Variants in CDC7 observed in about 807,000 individuals in gnomAD.
CDC7 encodes cell division cycle 7-related protein kinase.
CDC7 carries 34 observed loss-of-function variants against 53.5 expected under a neutral mutation model. That is an observed-to-expected ratio of 0.64 (90% CI 0.48 to 0.85). The LOEUF is 0.85. Ranked by LOEUF, CDC7 falls within the 40% of genes least tolerant of loss-of-function variation. The pLI, the probability that CDC7 is intolerant of heterozygous loss-of-function variation, is 0.00. For missense variants in CDC7, 594 were observed against 679.7 expected (o/e 0.87, Z 1.40); for synonymous variants, 211 against 222.8 (o/e 0.95, Z 0.47).
At chr1:91,516,072 C>G in intron 10 of CDC7, among the ~76,000 whole-genome samples, 196 bp downstream of exon 10, 1 of 151,946 alleles carries the variant, frequency 6.6e-6, no homozygotes, top group East Asian at 1.9e-4. Flanking sequence ...AATGTTGCCT[C>G]TCTTTTTTTG....
In CDC7 at chr1:91,524,132, G is replaced by C. The variant is rs1399910289; in HGVS notation, c.1422G>C (p.Lys474Asn). The C allele has an allele frequency of 1.9e-6, 3 of 1,613,872 alleles. No individual in the cohort carries two copies. The African/African-American group carries it at 4.0e-5, about 22-fold the overall frequency. Residue 474 changes from lysine to asparagine, a missense_variant, in exon 12 of 12, where the codon AAG becomes AAC. Physicochemically the swap from Lys to Asn is moderately conservative, Grantham distance 94. Transcript: ENST00000234626. Reference protein sequence around the residue: ...RLRGMDSSTPKLTSDIQGHAS... With the variant: ...RLRGMDSSTPNLTSDIQGHAS... ...GGGGTATGGATTCTAGCACTCCCAA[G>C]TTAACAAGTGATATACAAGGGCATG...
Position 91,511,834 on chromosome 1 carries a change from G to A in CDC7, c.483G>A (p.Leu161=). 6.2e-7 allele frequency: 1 copy of A among 1,606,192 alleles called. No homozygotes were observed. Among genetic ancestry groups the A allele is most frequent in the Non-Finnish European group, 8.5e-7 (1 of 1,174,046 alleles). Residue 161 remains leucine, a synonymous_variant, in exon 6 of 12, where the codon CTG becomes CTA. Coordinates refer to ENST00000234626, the MANE Select transcript of CDC7 (RefSeq NM_003503.4). ...AAGTACGGGAATATATGCTTAATCT[G>A]TTCAAAGCTTTGAAACGCATTCATC... ...FQEVREYMLN[L]FKALKRIHQF...
chr1:91,507,817 C>G, intron 2 of CDC7, 37 bp from the exon 3 acceptor site: 1 of 1,188,126 alleles, frequency 8.4e-7, no homozygotes, highest in East Asian at 2.5e-5. Flanking sequence ...AATATACTGT[C>G]ATTGATTAAA....
Position 91,524,299 on chromosome 1 carries a change from C to A in CDC7, c.1589C>A (p.Thr530Asn), listed in dbSNP as rs867006253. Residue 530 changes from threonine (T) to asparagine (N), a missense_variant, in exon 12 of 12, where the codon ACC (threonine) becomes AAC (asparagine). By Grantham distance (65) the Thr-to-Asn change is moderately conservative (BLOSUM62 0). Transcript: ENST00000234626. Reference protein sequence around the residue: ...SCEHCFDEYNTNLEGWNEVPD... With the variant: ...SCEHCFDEYNNNLEGWNEVPD... ...GAGCATTGTTTTGATGAGTATAATA[C>A]CAATTTAGAAGGCTGGAATGAGGTA... is the stretch of plus-strand genomic sequence containing the variant. 1 of 1,613,936 alleles carries A rather than the reference C, an allele frequency of 6.2e-7. No homozygotes were observed. Among genetic ancestry groups the A allele is most frequent in the African/African-American group, 1.3e-5 (1 of 75,018 alleles).
intron 2 of CDC7, among the ~76,000 whole-genome samples, chr1:91,504,570 A>G (rs895432485): frequency 3.3e-5 from 5 of 152,202 alleles, no homozygotes; most frequent in African/African-American, 9.7e-5. Flanking sequence ...TGTTTGCTAC[A>G]ATGACACCCT....
Position 91,524,718 on chromosome 1 carries a change from G to A in CDC7, c.*283G>A, listed in dbSNP as rs909158636. ...TTAGCTTCCCTAATTACCTTTCACT[G>A]ACATATACAGAAAAAGGAGCAGTTT... On this transcript the variant is annotated 3_prime_UTR_variant, in exon 12 of 12. Transcript: ENST00000234626. 3.5e-6 allele frequency: 1 copy of A among 288,988 alleles called. No homozygotes were observed. The highest frequency in any genetic ancestry group is 6.3e-6 in the Non-Finnish European group (1 of 157,760). 17.9% of individuals were successfully genotyped at this position (288,988 alleles called of 1,614,324 possible). A position where few individuals can be genotyped will look rare whatever the true frequency, so the allele number is the denominator to read the frequency against.
chr1:91,509,362 T>G (rs1483803501), intron 4 of CDC7, among the ~76,000 whole-genome samples: 2 of 148,724 alleles, frequency 1.3e-5, no homozygotes, highest in African/African-American at 5.0e-5. Context: ...AACCTAAACC[T>G]TAACATACCA....
chr1:91,520,925 G>A (rs1983170), intron 11 of CDC7, among the ~76,000 whole-genome samples: 31,137 of 152,164 alleles, frequency 0.2, 3,285 homozygotes, highest in South Asian at 0.26. Flanking sequence ...GATGTGCAGT[G>A]TACTTCATAG....
rs138051803 is a variant in CDC7, at chr1:91,505,302, G to A, written c.116-2552G>A. The stretch of plus-strand genomic sequence containing the variant: ...GAATGAAGTCAAAGAGAGATGTAAA[G>A]AGGCTTTCTAATGGAGTGAGATGTG... On this transcript the variant is annotated intron_variant, in intron 2 of 11. Transcript: ENST00000234626. 9.1e-4 allele frequency among the ~76,000 whole-genome samples: 139 copies of A among 152,326 alleles called. 2 individuals carry two copies. Among genetic ancestry groups the A allele is most frequent in the African/African-American group, 3.2e-3 (132 of 41,576 alleles).
intron 4 of CDC7, among the ~76,000 whole-genome samples, chr1:91,510,537 A>C (rs1328474998): frequency 6.6e-6 from 1 of 152,234 alleles, no homozygotes; most frequent in Non-Finnish European, 1.5e-5. Context: ...TATAGAAGAC[A>C]AGAAAATGAG....
intron 11 of CDC7, among the ~76,000 whole-genome samples, chr1:91,521,605 C>T (rs1256880635): frequency 6.6e-6 from 1 of 152,194 alleles, no homozygotes; most frequent in East Asian, 1.9e-4. Flanking sequence ...GGCATTCTTA[C>T]ATAATAATAT....
At position 91,525,384 on chromosome 1, in the gene CDC7, A is replaced by G. The variant is rs1471062594; in HGVS notation, c.*949A>G. 1 of 152,140 alleles carries G rather than the reference A, an allele frequency of 6.6e-6. No homozygotes were observed. Among genetic ancestry groups the G allele is most frequent in the Non-Finnish European group, 1.5e-5 (1 of 67,992 alleles). The allele number at this position is 152,140 out of a possible 1,614,324, so 9.4% of individuals were successfully genotyped here. A position where few individuals can be genotyped will look rare whatever the true frequency, so the allele number is the denominator to read the frequency against. On this transcript the variant is annotated 3_prime_UTR_variant, in exon 12 of 12. Coordinates refer to ENST00000234626, the MANE Select transcript of CDC7 (RefSeq NM_003503.4). ...TGCGTAGAGCCATCCAGATCTCTGT[A>G]TCCTGTTTTGACTAAGTCTTAGGTG...
chr1:91,509,957 G>A (rs1209867569), intron 4 of CDC7, among the ~76,000 whole-genome samples: 4 of 152,318 alleles, frequency 2.6e-5, no homozygotes, highest in African/African-American at 9.6e-5. Flanking sequence ...ACTGGACGCA[G>A]TAGTTCATGC....
At chr1:91,507,149 T>C (rs190413153) in intron 2 of CDC7, among the ~76,000 whole-genome samples, 4 of 152,292 alleles carry the variant, frequency 2.6e-5, no homozygotes, top group Admixed American at 1.3e-4. Context: ...CTTAAACTTA[T>C]GCTATATAGG....
rs1571327073 is a variant in CDC7 at position 91,513,877 on chromosome 1, T to C, written c.823-71T>C. On this transcript the variant is annotated intron_variant, in intron 7 of 11. Coordinates refer to ENST00000234626, the MANE Select transcript of CDC7 (RefSeq NM_003503.4). ...ATCTCACTTAACTCTTTCAAAACTATGGCAGAGTACAGCTGGCAGAAAGTG... is the reference window on the plus strand; with the variant it reads ...ATCTCACTTAACTCTTTCAAAACTACGGCAGAGTACAGCTGGCAGAAAGTG... The C allele has an allele frequency of 1.4e-5, 15 of 1,098,694 alleles. No individual in the cohort carries two copies. The South Asian group carries it at 1.4e-4, about 11-fold the overall frequency. The allele number at this position is 1,098,694 out of a possible 1,614,324, so 68.1% of individuals were successfully genotyped here.
At chr1:91,504,105 CTT>C (rs1216657728) in intron 2 of CDC7, among the ~76,000 whole-genome samples, 22 of 134,930 alleles carry the variant, frequency 1.6e-4, no homozygotes, top group Non-Finnish European at 2.3e-4. Flanking sequence ...TTTTGGCAAG[CTT>C]TTTTTTTTTT....
intron 8 of CDC7, 129 bp downstream of exon 8, chr1:91,514,172 T>C: frequency 3.7e-6 from 2 of 545,838 alleles, no homozygotes; most frequent in Non-Finnish European, 6.4e-6. Flanking sequence ...CAGAAGGTAT[T>C]ACTGCTTTAA....
chr1:91,501,380 T>C, intron 1 of CDC7: 1 of 256,232 alleles, frequency 3.9e-6, no homozygotes, highest in Non-Finnish European at 7.5e-6. Context: ...TCCCGCTGGC[T>C]GTGCCGGACT....
chr1:91,511,451 CT>C (rs1472697924), intron 4 of CDC7, 145 bp from the exon 5 acceptor site: 13 of 520,980 alleles, frequency 2.5e-5, no homozygotes, highest in Middle Eastern at 3.1e-4. Flanking sequence ...ACACAAGTCA[CT>C]TGTGTTTATA....
Sources: gnomAD v4.1 joint callset for allele counts (sites outside exome capture counted in the v4.1 genomes callset) on GRCh38, gnomAD v4.1.1 for gene constraint, MANE v1.5 for transcripts, NCBI Gene and HGNC (gene_info 2026-07-23, HGNC 2026-07-21) for gene names.